The following ZBTB16 variants were observed in gnomAD, a reference collection of about 807,000 sequenced individuals.
ZBTB16 encodes zinc finger and BTB domain-containing protein 16.
Under a neutral mutation model 56.8 loss-of-function variants are expected in ZBTB16, and 8 were observed. That is an observed-to-expected ratio of 0.14 (90% CI 0.08 to 0.25). The LOEUF is 0.25. Among genes scored for constraint, ZBTB16 ranks in the 10% least tolerant of loss-of-function variants. The pLI is 1.00. For missense variants in ZBTB16, 625 were observed against 903.0 expected (o/e 0.69, Z 3.95); for synonymous variants, 363 against 368.5 (o/e 0.98, Z 0.17).
intron 2 of ZBTB16, among the ~76,000 whole-genome samples, chr11:114,122,850 C>T (rs899969903): frequency 2.0e-5 from 3 of 152,062 alleles, no homozygotes; most frequent in Non-Finnish European, 2.9e-5. Context: ...AATCACTCAC[C>T]GAAGGCTTTG....
intron 2 of ZBTB16, among the ~76,000 whole-genome samples, chr11:114,144,177 G>GACACACACACAC (rs56679355): frequency 1.0e-4 from 15 of 144,966 alleles, no homozygotes; most frequent in Non-Finnish European, 1.5e-4. Context: ...GTGTTTGCCA[G>GACACACACACAC]ACACACACAC....
rs57092004 is a variant in ZBTB16, at chr11:114,249,457, C to CAAAAA, written c.1793-847_1793-843dup. On this transcript the variant is annotated intron_variant, in intron 6 of 6. Coordinates refer to ENST00000335953, the MANE Select transcript of ZBTB16 (RefSeq NM_006006.6). ...TGGGTAACAGAGTGAGACTCCATCT[C>CAAAAA]AAAAAAAAAAAAAAAAAAAAAAAAA... 1.2e-3 allele frequency among the ~76,000 whole-genome samples: 30 copies of CAAAAA among 24,190 alleles called. 1 individual carries two copies. Among genetic ancestry groups the CAAAAA allele is most frequent in the Admixed American group, 1.5e-3 (2 of 1,344 alleles). 15.9% of individuals were successfully genotyped at this position (24,190 alleles called of 152,430 possible).
chr11:114,225,362 G>A (rs1042157668), intron 4 of ZBTB16, among the ~76,000 whole-genome samples: 1 of 152,158 alleles, frequency 6.6e-6, no homozygotes, highest in East Asian at 1.9e-4. Context: ...GCAGCTCATG[G>A]TACCTGTCTT....
At chr11:114,090,489 C>T (rs1940145512) in intron 2 of ZBTB16, among the ~76,000 whole-genome samples, 1 of 152,224 alleles carries the variant, frequency 6.6e-6, no homozygotes, top group African/African-American at 2.4e-5. Flanking sequence ...TCCCTCTCTC[C>T]CCTCTGCTGC....
chr11:114,193,368 G>A (rs1289515451), intron 4 of ZBTB16, among the ~76,000 whole-genome samples: 1 of 152,130 alleles, frequency 6.6e-6, no homozygotes, highest in Non-Finnish European at 1.5e-5. Flanking sequence ...AGCTGTGGGC[G>A]AGCTCCCCCA....
intron 3 of ZBTB16, among the ~76,000 whole-genome samples, chr11:114,179,694 G>A (rs1431436331): frequency 6.6e-6 from 1 of 152,054 alleles, no homozygotes; most frequent in Non-Finnish European, 1.5e-5. Context: ...GGGGGTGGGA[G>A]AGGCTTTGGA....
intron 1 of ZBTB16, among the ~76,000 whole-genome samples, chr11:114,063,000 T>G (rs995324385): frequency 2.6e-5 from 4 of 152,158 alleles, no homozygotes; most frequent in Admixed American, 1.3e-4. Context: ...AGAACCTTCT[T>G]TTTACTCTCA....
chr11:114,114,088 C>G (rs1241261544), intron 2 of ZBTB16, among the ~76,000 whole-genome samples: 1 of 152,220 alleles, frequency 6.6e-6, no homozygotes, highest in Non-Finnish European at 1.5e-5. Context: ...AGTGCTGTTT[C>G]TATCTCCATG....
Position 114,075,629 on chromosome 11 carries a change from G to GTATATATATATATATATATATATA in ZBTB16, c.1268+11080_1268+11081insATATATATATATATATATATATAT, listed in dbSNP as rs10526570. On this transcript the variant is annotated intron_variant, in intron 2 of 6. Transcript: ENST00000335953. ...GCACCACCACACCTGGCTAATTTTTGTATATATATATATATATATTTAGTA... is the reference window on the plus strand; with the variant it reads ...GCACCACCACACCTGGCTAATTTTTGTATATATATATATATATATATATATATATATATATATATATATTTAGTA... Among the ~76,000 whole-genome samples the GTATATATATATATATATATATATA allele has an allele frequency of 1.2e-3, 166 of 141,034 alleles. 1 individual carries two copies. Among genetic ancestry groups the GTATATATATATATATATATATATA allele is most frequent in the African/African-American group, 4.3e-3 (150 of 34,664 alleles). 92.5% of individuals were successfully genotyped at this position (141,034 alleles called of 152,430 possible).
chr11:114,101,079 C>T (rs1425679510), intron 2 of ZBTB16, among the ~76,000 whole-genome samples: 1 of 152,118 alleles, frequency 6.6e-6, no homozygotes, highest in East Asian at 1.9e-4. Context: ...CGGCTCACTG[C>T]AACCTTGCTT....
chr11:114,245,969 C>G (rs1486448502), intron 5 of ZBTB16, among the ~76,000 whole-genome samples: 1 of 152,198 alleles, frequency 6.6e-6, no homozygotes, highest in East Asian at 1.9e-4. Flanking sequence ...TCTGCGCCTT[C>G]ACTCCTGTAA....
chr11:114,118,317 T>C (rs1941240162), intron 2 of ZBTB16, among the ~76,000 whole-genome samples: 1 of 152,016 alleles, frequency 6.6e-6, no homozygotes. Context: ...GCTGGGACTA[T>C]AGGCACCTGA....
intron 6 of ZBTB16, among the ~76,000 whole-genome samples, chr11:114,249,494 G>C (rs1329426897): frequency 7.0e-6 from 1 of 142,322 alleles, no homozygotes; most frequent in Non-Finnish European, 1.5e-5. Context: ...GGCCGGGCGC[G>C]GTGGCTCACG....
intron 2 of ZBTB16, among the ~76,000 whole-genome samples, chr11:114,068,810 C>G (rs1229006131): frequency 1.3e-5 from 2 of 152,188 alleles, no homozygotes; most frequent in African/African-American, 4.8e-5. Flanking sequence ...GGTCTAGGAA[C>G]CAGCTCATCC....
chr11:114,123,702 G>T (rs1941408057), intron 2 of ZBTB16, among the ~76,000 whole-genome samples: 1 of 152,104 alleles, frequency 6.6e-6, no homozygotes, highest in Non-Finnish European at 1.5e-5. Context: ...TTTCTGAGGA[G>T]CAGTCAAGAA....
intron 2 of ZBTB16, among the ~76,000 whole-genome samples, chr11:114,127,479 C>T (rs1250356614): frequency 2.0e-5 from 3 of 152,210 alleles, no homozygotes; most frequent in African/African-American, 7.2e-5. Context: ...ATGTCCCTCA[C>T]ACTCCCCACC....
chr11:114,099,765 C>T (rs1333737862), intron 2 of ZBTB16, among the ~76,000 whole-genome samples: 3 of 152,170 alleles, frequency 2.0e-5, no homozygotes, highest in Admixed American at 6.5e-5. Context: ...AGCGATGATA[C>T]AACTTCTCTT....
chr11:114,187,520 G>A (rs1198924750), intron 4 of ZBTB16: 12 of 197,880 alleles, frequency 6.1e-5, no homozygotes, highest in African/African-American at 1.9e-4. Context: ...ATTAACTCAC[G>A]ATGATAGAGC....
chr11:114,204,182 C>G (rs1344806358), intron 4 of ZBTB16, among the ~76,000 whole-genome samples: 1 of 147,642 alleles, frequency 6.8e-6, no homozygotes, highest in African/African-American at 2.5e-5. Flanking sequence ...GAGACACAGT[C>G]TTGCTTTGTT....
Sources: gnomAD v4.1 joint callset for allele counts (sites outside exome capture counted in the v4.1 genomes callset) on GRCh38, gnomAD v4.1.1 for gene constraint, MANE v1.5 for transcripts, NCBI Gene and HGNC (gene_info 2026-07-23, HGNC 2026-07-21) for gene names.